The following ST8SIA5 variants were observed in gnomAD, a reference collection of about 807,000 sequenced individuals.
ST8SIA5 encodes ST8 alpha-N-acetyl-neuraminide alpha-2,8-sialyltransferase 5, also known as alpha-2,8-sialyltransferase 8E.
ST8SIA5 carries 24 observed loss-of-function variants against 40.2 expected under a neutral mutation model. The observed-to-expected ratio is 0.60, with a 90% confidence interval of 0.43 to 0.84. The LOEUF (loss-of-function observed/expected upper bound fraction) is 0.84. ST8SIA5 is among the 40% of genes least tolerant of loss of function. The pLI is 0.00. For synonymous variants in ST8SIA5, 198 were observed against 201.8 expected, an observed-to-expected ratio of 0.98 and a Z score of 0.16; for missense variants, 465 against 498.5, an observed-to-expected ratio of 0.93 and a Z score of 0.64.
chr18:46,716,229 C>T (rs767995781), intron 1 of ST8SIA5, among the ~76,000 whole-genome samples: 1 of 152,128 alleles, frequency 6.6e-6, no homozygotes, highest in Non-Finnish European at 1.5e-5. Flanking sequence ...AATGAATACA[C>T]CCACCTCAAA....
At chr18:46,738,826 C>T (rs2040060721) in intron 1 of ST8SIA5, among the ~76,000 whole-genome samples, 1 of 152,138 alleles carries the variant, frequency 6.6e-6, no homozygotes. Context: ...TTCGAATATA[C>T]ACATGTAGGC....
At chr18:46,712,099 AG>A (rs1296753814) in intron 1 of ST8SIA5, among the ~76,000 whole-genome samples, 3 of 152,176 alleles carry the variant, frequency 2.0e-5, no homozygotes, top group African/African-American at 7.2e-5. Flanking sequence ...GGAGTTCTGC[AG>A]GGCCCCAGAT....
intron 3 of ST8SIA5, among the ~76,000 whole-genome samples, chr18:46,689,548 T>G (rs891819704): frequency 4.6e-5 from 7 of 151,698 alleles, no homozygotes; most frequent in African/African-American, 1.7e-4. Flanking sequence ...GATTCCAGCT[T>G]GCAAAAGCCA....
At chr18:46,716,063 T>C (rs1258522772) in intron 1 of ST8SIA5, among the ~76,000 whole-genome samples, 1 of 150,484 alleles carries the variant, frequency 6.6e-6, no homozygotes. Context: ...CTCCCATGAG[T>C]GCTGGGACTG....
chr18:46,672,569 C>G lies in ST8SIA5; in HGVS notation c.*7473G>C, dbSNP rs148608982. ...GATTTCTGGCTTTTGTGGCCAACAG[C>G]TAAGTCATGGAAGTGTATGTTTTTG... On this transcript the variant is annotated 3_prime_UTR_variant, in exon 7 of 7. Transcript: ENST00000315087. 4.0e-5 allele frequency: 6 copies of G among 151,120 alleles called. No homozygotes were observed. The East Asian group carries it at 1.2e-3, about 29-fold the overall frequency. 9.4% of individuals were successfully genotyped at this position (151,120 alleles called of 1,614,324 possible). A position where few individuals can be genotyped will look rare whatever the true frequency, so the allele number is the denominator to read the frequency against.
chr18:46,718,129 G>A (rs1474069670), intron 1 of ST8SIA5, among the ~76,000 whole-genome samples: 1 of 152,102 alleles, frequency 6.6e-6, no homozygotes, highest in East Asian at 1.9e-4. Context: ...AGGAGTTCAA[G>A]ACAAGCCTGG....
rs1402519601 is a variant in ST8SIA5, at chr18:46,674,018, T to A, written c.*6024A>T. ...CCAGGAAACAACCCCATGCTCCTGG[T>A]CTTCCCCTTCGCATCTGGAGCAGAC... On this transcript the variant is annotated 3_prime_UTR_variant, in exon 7 of 7. Coordinates refer to ENST00000315087, the MANE Select transcript of ST8SIA5 (RefSeq NM_013305.6). 6.6e-6 allele frequency: 1 copy of A among 152,142 alleles called. No individual in the cohort carries two copies. The highest frequency in any genetic ancestry group is 1.9e-4 in the East Asian group (1 of 5,136). The allele number at this position is 152,142 out of a possible 1,614,324, so 9.4% of individuals were successfully genotyped here.
chr18:46,688,978 A>G lies in ST8SIA5; in HGVS notation c.312-59T>C, dbSNP rs980813007. The G allele has an allele frequency of 1.1e-5, 17 of 1,565,146 alleles. No individual in the cohort carries two copies. In the African/African-American group the frequency reaches 1.2e-4, roughly 11 times the overall value. ...ATGCAGGAAAGATGTGATGGAGGGC[A>G]GAGCACAACCTCACGGAGAACAGAG... On this transcript the variant is annotated intron_variant, in intron 3 of 6. Transcript: ENST00000315087.
intron 1 of ST8SIA5, among the ~76,000 whole-genome samples, chr18:46,728,615 G>A (rs1472681382): frequency 4.6e-5 from 7 of 152,210 alleles, no homozygotes; most frequent in African/African-American, 1.2e-4. Context: ...GGGGCACAGC[G>A]TGCAGCCCAG....
chr18:46,753,754 T>G (rs568087412), intron 1 of ST8SIA5, among the ~76,000 whole-genome samples: 226 of 152,282 alleles, frequency 1.5e-3, no homozygotes, highest in African/African-American at 5.0e-3. Context: ...TCCCTCTGCA[T>G]GCAGCAGCAC....
chr18:46,749,900 G>T (rs537730413), intron 1 of ST8SIA5, among the ~76,000 whole-genome samples: 10 of 152,116 alleles, frequency 6.6e-5, no homozygotes, highest in Admixed American at 2.0e-4. Flanking sequence ...ATAAGACGAG[G>T]CCAGAGACTT....
At chr18:46,696,224 A>G (rs181942534) in intron 2 of ST8SIA5, among the ~76,000 whole-genome samples, 144 of 152,270 alleles carry the variant, frequency 9.5e-4, no homozygotes, top group African/African-American at 3.4e-3. Context: ...CCTTCCTTCC[A>G]GCTTTCCCAA....
intron 5 of ST8SIA5, among the ~76,000 whole-genome samples, chr18:46,683,181 A>G (rs328132): frequency 0.94 from 143,507 of 152,214 alleles, 67,907 homozygotes; most frequent in Non-Finnish European, 0.99. Context: ...CGATACCTTC[A>G]GGGGGAAACG....
intron 2 of ST8SIA5, among the ~76,000 whole-genome samples, chr18:46,693,151 G>T (rs1285645591): frequency 3.3e-5 from 5 of 151,648 alleles, no homozygotes; most frequent in African/African-American, 1.2e-4. Flanking sequence ...TTTCATGTCT[G>T]CGTGTCCTAC....
intron 5 of ST8SIA5, 125 bp downstream of exon 5, chr18:46,686,049 T>G (rs2039442767): frequency 1.2e-6 from 1 of 868,142 alleles, no homozygotes; most frequent in African/African-American, 1.7e-5. Flanking sequence ...ATCCCAGACC[T>G]GAGGGTCTGC....
In ST8SIA5 at chr18:46,678,088, C is replaced by T. The variant is rs1341741529; in HGVS notation, c.*1954G>A. 1 of 152,256 alleles carries T rather than the reference C, an allele frequency of 6.6e-6. No individual in the cohort carries two copies. The highest frequency in any genetic ancestry group is 1.9e-4 in the East Asian group (1 of 5,204). The allele number at this position is 152,256 out of a possible 1,614,324, so 9.4% of individuals were successfully genotyped here. Reference sequence around the variant, plus strand: ...CTCCCTGGGAGAAATAGGCAGAGCTCAAGCAAGTAATAACCATCCACTGTC... The same window carrying T: ...CTCCCTGGGAGAAATAGGCAGAGCTTAAGCAAGTAATAACCATCCACTGTC... On this transcript the variant is annotated 3_prime_UTR_variant, in exon 7 of 7. Coordinates refer to ENST00000315087, the MANE Select transcript of ST8SIA5 (RefSeq NM_013305.6).
chr18:46,710,323 G>A (rs2039710394), intron 1 of ST8SIA5, among the ~76,000 whole-genome samples: 2 of 151,350 alleles, frequency 1.3e-5, no homozygotes, highest in African/African-American at 4.9e-5. Context: ...GGCTAAGGAG[G>A]CCTCCTTTCT....
In ST8SIA5 at chr18:46,708,758, G is replaced by C. The variant is rs533576866; in HGVS notation, c.132-4094C>G. ...CGGCTCTTGCCCACACTTCCCCCTC[G>C]CTCCCTCTGCCTCCTTACTGATCTG... On this transcript the variant is annotated intron_variant, in intron 1 of 6. Coordinates refer to ENST00000315087, the MANE Select transcript of ST8SIA5 (RefSeq NM_013305.6). Among the ~76,000 whole-genome samples the C allele has an allele frequency of 2.6e-5, 4 of 152,010 alleles. No individual in the cohort carries two copies. In the South Asian group the frequency reaches 6.2e-4, roughly 24 times the overall value.
rs189096629 is a variant in ST8SIA5, at chr18:46,703,420, C to T, written c.224+1152G>A. On this transcript the variant is annotated intron_variant, in intron 2 of 6. Transcript: ENST00000315087. ...CTATCTATTTTCACATGCCTTATTT[C>T]GGCTAGTCTACAGCAACCCTTAAAG... 2.9e-3 allele frequency among the ~76,000 whole-genome samples: 434 copies of T among 152,254 alleles called. 2 individuals carry two copies. Among genetic ancestry groups the T allele is most frequent in the African/African-American group, 0.01 (426 of 41,552 alleles).
Sources: gnomAD v4.1 joint callset for allele counts (sites outside exome capture counted in the v4.1 genomes callset) on GRCh38, gnomAD v4.1.1 for gene constraint, MANE v1.5 for transcripts, NCBI Gene and HGNC (gene_info 2026-07-23, HGNC 2026-07-21) for gene names.